Variants in DNM3 observed in about 807,000 individuals in gnomAD.
DNM3 encodes dynamin 3, also known as dynamin-3.
A neutral mutation model predicts 101.6 loss-of-function variants in DNM3; 47 were observed. That is an observed-to-expected ratio of 0.46 (90% CI 0.37 to 0.59). The LOEUF (loss-of-function observed/expected upper bound fraction) is 0.59, where lower values mean the gene tolerates loss of function less well. Ranked by LOEUF, DNM3 falls within the 20% of genes least tolerant of loss-of-function variation. DNM3 has a pLI of 0.00. For missense variants in DNM3, 849 were observed against 1,085.7 expected (o/e 0.78, Z 3.06); for synonymous variants, 385 against 387.9 (o/e 0.99, Z 0.09).
intron 1 of DNM3, among the ~76,000 whole-genome samples, chr1:171,846,222 T>G (rs2032071997): frequency 7.7e-6 from 1 of 129,058 alleles, no homozygotes; most frequent in Admixed American, 7.9e-5. Context: ...ATAATATACT[T>G]TTAGGTTATC....
intron 2 of DNM3, among the ~76,000 whole-genome samples, chr1:171,958,976 G>A (rs187681193): frequency 7.0e-4 from 107 of 152,258 alleles, no homozygotes; most frequent in African/African-American, 2.5e-3. Flanking sequence ...AAGTCTAGGA[G>A]CATAATCTTG....
chr1:171,917,092 C>T (rs1305998612), intron 1 of DNM3, among the ~76,000 whole-genome samples: 1 of 152,154 alleles, frequency 6.6e-6, no homozygotes, highest in Non-Finnish European at 1.5e-5. Context: ...TGTCCTCCTC[C>T]AAGGCTGAGC....
intron 10 of DNM3, among the ~76,000 whole-genome samples, chr1:172,061,339 C>T (rs1188644179): frequency 1.4e-5 from 2 of 144,258 alleles, no homozygotes; most frequent in East Asian, 2.4e-4. Flanking sequence ...CCAGCCATCC[C>T]ATTACTGGGT....
intron 14 of DNM3, chr1:172,131,914 T>C (rs1473497450): frequency 4.7e-6 from 1 of 213,144 alleles, no homozygotes; most frequent in African/African-American, 2.4e-5. Flanking sequence ...TTAAATTTGA[T>C]AGCTATAAAA....
At chr1:172,188,865 T>A (rs1333705410) in intron 14 of DNM3, among the ~76,000 whole-genome samples, 1 of 152,078 alleles carries the variant, frequency 6.6e-6, no homozygotes, top group Admixed American at 6.6e-5. Flanking sequence ...TTTTTTAATT[T>A]AAGGAGGCCC....
chr1:172,244,144 CTGAGAATG>C (rs2061854264), intron 14 of DNM3, among the ~76,000 whole-genome samples: 1 of 151,924 alleles, frequency 6.6e-6, no homozygotes, highest in African/African-American at 2.4e-5. Context: ...TGATAGTTTA[CTGAGAATG>C]ATGATTTCCA....
intron 13 of DNM3, among the ~76,000 whole-genome samples, chr1:172,109,140 C>A (rs1054890564): frequency 6.6e-6 from 1 of 152,102 alleles, no homozygotes; most frequent in African/African-American, 2.4e-5. Flanking sequence ...ATAACAAAAA[C>A]CTTAGTTTAA....
At chr1:172,013,969 G>T (rs764767920) in intron 4 of DNM3, among the ~76,000 whole-genome samples, 33 of 152,146 alleles carry the variant, frequency 2.2e-4, no homozygotes, top group Admixed American at 2.1e-3. Flanking sequence ...AGCAAGTACA[G>T]AGAGTTCCCA....
At chr1:172,318,793 A>G (rs1460829014) in intron 16 of DNM3, among the ~76,000 whole-genome samples, 1 of 152,200 alleles carries the variant, frequency 6.6e-6, no homozygotes, top group Non-Finnish European at 1.5e-5. Flanking sequence ...AATCAATATC[A>G]TGAAAATGGC....
intron 1 of DNM3, among the ~76,000 whole-genome samples, chr1:171,890,042 C>T (rs980141211): frequency 6.6e-6 from 1 of 152,044 alleles, no homozygotes. Flanking sequence ...GTGCTGAGAA[C>T]TAGGATAAGA....
At chr1:172,225,230 C>T (rs1344555433) in intron 14 of DNM3, among the ~76,000 whole-genome samples, 3 of 145,146 alleles carry the variant, frequency 2.1e-5, no homozygotes, top group Non-Finnish European at 3.0e-5. Context: ...CTTCTGTCTC[C>T]CAGATTCAAG....
rs1368792152 is a variant in DNM3 at position 172,412,598 on chromosome 1, A to AGAAT, written c.*4759_*4762dup. 4.1e-6 allele frequency: 4 copies of AGAAT among 985,748 alleles called. No homozygotes were observed. In the East Asian group the frequency reaches 4.5e-4, roughly 112 times the overall value. 61.1% of individuals were successfully genotyped at this position (985,748 alleles called of 1,614,324 possible). Reference sequence around the variant, plus strand: ...TCTTAATGCTGATATATGGACTCTTAGAATGGAATTTTTGAAGAAAAATCT... The same window carrying AGAAT: ...TCTTAATGCTGATATATGGACTCTTAGAATGAATGGAATTTTTGAAGAAAAATCT... On this transcript the variant is annotated 3_prime_UTR_variant, in exon 21 of 21. Coordinates refer to ENST00000627582, the MANE Select transcript of DNM3 (RefSeq NM_015569.5).
downstream of DNM3, among the ~76,000 whole-genome samples, chr1:172,416,382 G>A (rs1350502673): frequency 6.6e-6 from 1 of 152,156 alleles, no homozygotes; most frequent in Non-Finnish European, 1.5e-5. Flanking sequence ...TTTTGACCCA[G>A]TAAATGGTAT....
At chr1:171,934,467 T>C (rs970215509) in intron 2 of DNM3, among the ~76,000 whole-genome samples, 3 of 152,242 alleles carry the variant, frequency 2.0e-5, no homozygotes, top group Non-Finnish European at 4.4e-5. Context: ...CTAGTCAGCA[T>C]AGAATAAGTT....
At chr1:172,132,614 T>C (rs2056999687) in intron 14 of DNM3, among the ~76,000 whole-genome samples, 1 of 152,152 alleles carries the variant, frequency 6.6e-6, no homozygotes, top group Admixed American at 6.6e-5. Flanking sequence ...GGTATTTCTA[T>C]TAGATATATT....
intron 10 of DNM3, among the ~76,000 whole-genome samples, chr1:172,054,399 A>C (rs2050425730): frequency 6.6e-6 from 1 of 152,154 alleles, no homozygotes; most frequent in Non-Finnish European, 1.5e-5. Flanking sequence ...CTTTGAAATT[A>C]TTTTGGTGGG....
chr1:172,021,545 G>A (rs1056910344), intron 4 of DNM3, among the ~76,000 whole-genome samples: 2 of 152,162 alleles, frequency 1.3e-5, no homozygotes, highest in African/African-American at 4.8e-5. Flanking sequence ...AATTATCCCA[G>A]GACAAAAAAC....
chr1:172,047,250 G>A (rs967743686), intron 9 of DNM3, among the ~76,000 whole-genome samples: 1 of 152,094 alleles, frequency 6.6e-6, no homozygotes, highest in African/African-American at 2.4e-5. Context: ...GAGCAAGGGA[G>A]GGAGACAGTC....
chr1:171,874,662 A>G (rs892756569), intron 1 of DNM3, among the ~76,000 whole-genome samples: 2 of 151,296 alleles, frequency 1.3e-5, no homozygotes, highest in African/African-American at 4.9e-5. Context: ...CTTAAAACAT[A>G]ATGTCAACTT....
Sources: allele counts gnomAD v4.1 joint callset (sites outside exome capture counted in the v4.1 genomes callset), GRCh38; gene constraint gnomAD v4.1.1; transcripts MANE v1.5; gene names NCBI Gene and HGNC (gene_info 2026-07-23, HGNC 2026-07-21).